Variants in TMEM266 observed in about 807,000 individuals in gnomAD.
The protein encoded by TMEM266 is transmembrane protein 266.
A neutral mutation model predicts 50.5 loss-of-function variants in TMEM266; 33 were observed. That is an observed-to-expected ratio of 0.65 (90% confidence interval 0.50 to 0.87). TMEM266 has a LOEUF of 0.87. Among genes scored for constraint, TMEM266 ranks in the 40% least tolerant of loss-of-function variants. TMEM266 has a pLI of 0.00. For missense variants in TMEM266, 655 were observed against 695.1 expected, an observed-to-expected ratio of 0.94 and a Z score of 0.65; for synonymous variants, 310 against 292.3, an observed-to-expected ratio of 1.06 and a Z score of -0.62.
chr15:76,115,187 G>A (rs953190726), intron 1 of TMEM266, among the ~76,000 whole-genome samples: 1 of 152,040 alleles, frequency 6.6e-6, no homozygotes, highest in Non-Finnish European at 1.5e-5. Flanking sequence ...CCTCAAGAAC[G>A]CCACCTCCCT....
intron 1 of TMEM266, among the ~76,000 whole-genome samples, chr15:76,129,127 T>A (rs1277480756): frequency 6.6e-6 from 1 of 152,170 alleles, no homozygotes; most frequent in Non-Finnish European, 1.5e-5. Context: ...AATTAAAATA[T>A]CACCATTTTT....
chr15:76,103,519 A>T (rs1454622374), intron 1 of TMEM266, among the ~76,000 whole-genome samples: 1 of 152,138 alleles, frequency 6.6e-6, no homozygotes, highest in African/African-American at 2.4e-5. Flanking sequence ...GTTTACTAAG[A>T]TGGAAAAGGC....
intron 1 of TMEM266, among the ~76,000 whole-genome samples, chr15:76,131,324 G>A (rs1025201244): frequency 3.3e-5 from 5 of 152,204 alleles, no homozygotes; most frequent in African/African-American, 9.6e-5. Context: ...CTGAGATCAC[G>A]CCTCTGCTCA....
chr15:76,079,362 AAC>A (rs1239440365), intron 1 of TMEM266, among the ~76,000 whole-genome samples: 6 of 150,156 alleles, frequency 4.0e-5, no homozygotes, highest in Non-Finnish European at 5.9e-5. Flanking sequence ...CAAAAAAAAA[AAC>A]AAAAGTCACA....
chr15:76,114,675 T>C (rs568049491), intron 1 of TMEM266, among the ~76,000 whole-genome samples: 1 of 152,328 alleles, frequency 6.6e-6, no homozygotes, highest in South Asian at 2.1e-4. Context: ...TTTTTTATAG[T>C]TTTTTGTCTT....
At chr15:76,060,769 AC>A (rs1289930889) in intron 1 of TMEM266, among the ~76,000 whole-genome samples, 6 of 152,128 alleles carry the variant, frequency 3.9e-5, no homozygotes, top group Admixed American at 3.9e-4. Flanking sequence ...AAAGCTAGCC[AC>A]CTGTTGGAAG....
rs758938634 is a variant in TMEM266 at position 76,192,049 on chromosome 15, C to G, written c.850C>G (p.Pro284Ala). Reference sequence around the variant, plus strand: ...CGAGCGCGAAGCGGCGCTCCAGGCCCCGCACGTGCTCAGCCAGCCGCGCAG... The same window carrying G: ...CGAGCGCGAAGCGGCGCTCCAGGCCGCGCACGTGCTCAGCCAGCCGCGCAG... Residue 284 changes from proline to alanine, a missense_variant, in exon 9 of 11, where the codon CCG becomes GCG. Pro to Ala is a conservative substitution (Grantham distance 27). This residue lies in a region of TMEM266 where 455 missense variants were observed against 401.8 expected (regional missense o/e 1.13). Transcript: ENST00000388942. 2.6e-6 allele frequency: 4 copies of G among 1,539,420 alleles called. No individual in the cohort carries two copies. The Admixed American group carries it at 8.0e-5, about 31-fold the overall frequency.
At chr15:76,129,270 T>C (rs1232113152) in intron 1 of TMEM266, among the ~76,000 whole-genome samples, 1 of 152,100 alleles carries the variant, frequency 6.6e-6, no homozygotes, top group African/African-American at 2.4e-5. Context: ...TGCAAAAAAA[T>C]TGAACCTGAA....
chr15:76,149,888 TTCAG>T (rs2037812032), intron 3 of TMEM266, among the ~76,000 whole-genome samples: 1 of 152,244 alleles, frequency 6.6e-6, no homozygotes, highest in Admixed American at 6.5e-5. Flanking sequence ...GAAGTTACAT[TTCAG>T]TCAGCCTCAT....
At chr15:76,158,279 G>A (rs1452096027) in intron 4 of TMEM266, among the ~76,000 whole-genome samples, 1 of 152,178 alleles carries the variant, frequency 6.6e-6, no homozygotes, top group East Asian at 1.9e-4. Context: ...GCCTAGTTGG[G>A]TTTTATGCAG....
At chr15:76,166,135 CTA>C (rs1265104821) in intron 5 of TMEM266, among the ~76,000 whole-genome samples, 1 of 152,052 alleles carries the variant, frequency 6.6e-6, no homozygotes, top group Non-Finnish European at 1.5e-5. Flanking sequence ...GGTGTTAAGA[CTA>C]TACTCAGTCT....
chr15:76,116,727 A>T (rs1445121278), intron 1 of TMEM266, among the ~76,000 whole-genome samples: 1 of 152,088 alleles, frequency 6.6e-6, no homozygotes, highest in Non-Finnish European at 1.5e-5. Flanking sequence ...TGTCTCACAT[A>T]TATTTTCTGT....
chr15:76,135,152 C>G (rs904280), intron 2 of TMEM266, among the ~76,000 whole-genome samples: 34,389 of 152,154 alleles, frequency 0.23, 5,560 homozygotes, highest in African/African-American at 0.45. Context: ...CTGAATCAAG[C>G]GTTCAGCATT....
intron 1 of TMEM266, among the ~76,000 whole-genome samples, chr15:76,084,356 C>T (rs995181326): frequency 2.0e-5 from 3 of 151,976 alleles, no homozygotes; most frequent in Admixed American, 6.6e-5. Flanking sequence ...GATGAGTAGG[C>T]GTTAGCTCTG....
chr15:76,069,482 G>A (rs1284921999), intron 1 of TMEM266, among the ~76,000 whole-genome samples: 1 of 152,176 alleles, frequency 6.6e-6, no homozygotes, highest in African/African-American at 2.4e-5. Context: ...GACCTTAAGA[G>A]CTCAAGGTAC....
intron 1 of TMEM266, among the ~76,000 whole-genome samples, chr15:76,091,511 C>T (rs1037254228): frequency 1.3e-5 from 2 of 152,048 alleles, no homozygotes; most frequent in Non-Finnish European, 2.9e-5. Flanking sequence ...AATTGCACCA[C>T]TGCTCTCCAG....
intron 4 of TMEM266, among the ~76,000 whole-genome samples, chr15:76,157,649 C>T (rs1435095619): frequency 6.6e-6 from 1 of 152,160 alleles, no homozygotes; most frequent in African/African-American, 2.4e-5. Context: ...TTCCTGGTTC[C>T]CTGTATTGCC....
intron 1 of TMEM266, among the ~76,000 whole-genome samples, chr15:76,106,340 A>G (rs8028454): frequency 0.013 from 1,933 of 151,984 alleles, 46 homozygotes; most frequent in African/African-American, 0.044. Context: ...GATTTCCCCC[A>G]TCCTTTCTAC....
intron 1 of TMEM266, among the ~76,000 whole-genome samples, chr15:76,061,943 C>G (rs535776021): frequency 1.3e-5 from 2 of 152,316 alleles, no homozygotes; most frequent in South Asian, 4.1e-4. Flanking sequence ...AGCCGTGGCT[C>G]GTAATCCAGT....
Sources: allele counts gnomAD v4.1 joint callset (sites outside exome capture counted in the v4.1 genomes callset), GRCh38; gene constraint gnomAD v4.1.1; regional missense constraint gnomAD v4.1.1; transcripts MANE v1.5; gene names NCBI Gene and HGNC (gene_info 2026-07-23, HGNC 2026-07-21).